Variants in PCBP2 observed in about 807,000 individuals in gnomAD.
PCBP2 encodes poly(rC) binding protein 2, also known as poly(rC)-binding protein 2.
In PCBP2, 4 loss-of-function variants were observed where a neutral mutation model predicts 50.1. That is an observed-to-expected ratio of 0.08 (90% CI 0.04 to 0.18). The LOEUF (loss-of-function observed/expected upper bound fraction) is 0.18. Ranked by LOEUF, PCBP2 falls within the 10% of genes least tolerant of loss-of-function variation. The probability of loss-of-function intolerance (pLI) is 1.00; values close to 1 mark genes in which losing one functional copy is unlikely to be tolerated. For missense variants in PCBP2, 161 were observed against 474.3 expected (o/e 0.34, Z 6.14); for synonymous variants, 179 against 168.0 (o/e 1.07, Z -0.51).
At chr12:53,456,200 C>T in intron 5 of PCBP2, 199 bp downstream of exon 5, 1 of 570,810 alleles carries the variant, frequency 1.8e-6, no homozygotes. Flanking sequence ...GGCGTGGTGG[C>T]TCATGGCTGT....
At chr12:53,461,548 A>G (rs1274651940) in intron 7 of PCBP2, among the ~76,000 whole-genome samples, 2 of 152,230 alleles carry the variant, frequency 1.3e-5, no homozygotes, top group African/African-American at 4.8e-5. Flanking sequence ...TCAAAGTGTT[A>G]CATAGAGTAG....
At chr12:53,460,862 C>T (rs1012087232) in intron 6 of PCBP2, 153 bp from the exon 7 acceptor site, 2 of 749,666 alleles carry the variant, frequency 2.7e-6, no homozygotes, top group South Asian at 3.6e-5. Context: ...ACAGTCCTAT[C>T]TGGAATAAGG....
At chr12:53,465,448 G>T (rs1453064013) in intron 9 of PCBP2, among the ~76,000 whole-genome samples, 1 of 152,112 alleles carries the variant, frequency 6.6e-6, no homozygotes, top group Non-Finnish European at 1.5e-5. Flanking sequence ...AAGGTCTTTA[G>T]GCAGATAGAG....
intron 1 of PCBP2, 44 bp downstream of exon 1, chr12:53,452,420 T>C (rs1940601639): frequency 6.8e-6 from 1 of 147,728 alleles, no homozygotes; most frequent in South Asian, 2.2e-4. Context: ...ATGGCTACAA[T>C]TTCCACTTTT....
intron 5 of PCBP2, among the ~76,000 whole-genome samples, chr12:53,456,330 C>T (rs556373792): frequency 2.0e-5 from 3 of 151,616 alleles, no homozygotes; most frequent in South Asian, 2.1e-4. Context: ...TGGTGGTGTG[C>T]GCCTGTAATC....
At chr12:53,460,773 AG>A (rs766746609) in intron 6 of PCBP2, 28 of 360,686 alleles carry the variant, frequency 7.8e-5, no homozygotes, top group Non-Finnish European at 1.3e-4. Context: ...TTTGCTTGAG[AG>A]TAGGTTAAAT....
At chr12:53,454,324 G>C (rs1940827255) in intron 1 of PCBP2, 1 of 155,932 alleles carries the variant, frequency 6.4e-6, no homozygotes, top group Non-Finnish European at 1.4e-5. Context: ...CTGCTCCCCA[G>C]CAGGGAAACA....
At chr12:53,466,971 C>G (rs1249444937) in intron 10 of PCBP2, among the ~76,000 whole-genome samples, 1 of 152,132 alleles carries the variant, frequency 6.6e-6, no homozygotes. Context: ...TGGGCAAGTG[C>G]TGTTGCTTTT....
chr12:53,457,829 G>C (rs1289264055), intron 5 of PCBP2, among the ~76,000 whole-genome samples: 1 of 152,140 alleles, frequency 6.6e-6, no homozygotes, highest in East Asian at 1.9e-4. Flanking sequence ...ATCTTCAGAA[G>C]GCTAAATTTA....
At chr12:53,477,881 A>G (rs1449014016) in intron 14 of PCBP2, among the ~76,000 whole-genome samples, 4 of 152,120 alleles carry the variant, frequency 2.6e-5, no homozygotes, top group Non-Finnish European at 5.9e-5. Flanking sequence ...TATCACAAAT[A>G]TTTTATGCTA....
At chr12:53,461,529 G>T (rs1309712612) in intron 7 of PCBP2, among the ~76,000 whole-genome samples, 2 of 152,150 alleles carry the variant, frequency 1.3e-5, no homozygotes, top group Non-Finnish European at 2.9e-5. Flanking sequence ...TCACTTTGTA[G>T]GAGGGTATTC....
In PCBP2 at chr12:53,464,814, A is replaced by G. The variant is rs138735670; in HGVS notation, c.634A>G (p.Met212Val). 6.2e-7 allele frequency: 1 copy of G among 1,612,068 alleles called. No individual in the cohort carries two copies. Among genetic ancestry groups the G allele is most frequent in the Non-Finnish European group, 8.5e-7 (1 of 1,179,192 alleles). Residue 212 changes from methionine to valine, a missense_variant, in exon 9 of 15, where the codon ATG becomes GTG. Around this residue, in one of 7 missense-constraint regions of PCBP2, gnomAD observed 35 missense variants for 45.5 expected, o/e 0.77. Transcript: ENST00000546463. The part of the protein sequence containing the change: ...SASFPHTTPS[M>V]CLNPDLEGPP... The stretch of plus-strand genomic sequence containing the variant: ...GAGCTTTCCCCACACCACCCCGTCC[A>G]TGTGCCTCAACCCTGACCTGGAGGG...
Position 53,465,994 on chromosome 12 carries a change from T to G in PCBP2, c.714+21T>G, listed in dbSNP as rs747172537. ...CAGATGTAAGTTTTGTTTTCACTTC[T>G]TGTTTTGAAAAGCTCCCTCTCCCAT... On this transcript the variant is annotated intron_variant, in intron 10 of 14. Transcript: ENST00000546463. The G allele has an allele frequency of 4.3e-6, 7 of 1,612,282 alleles. No homozygotes were observed. The South Asian group carries it at 6.6e-5, about 15-fold the overall frequency.
chr12:53,464,607 A>T, intron 8 of PCBP2, 153 bp from the exon 9 acceptor site: 3 of 1,072,378 alleles, frequency 2.8e-6, no homozygotes, highest in Admixed American at 3.1e-5. Flanking sequence ...TTTTTTTTTA[A>T]TTCACTGATT....
intron 14 of PCBP2, chr12:53,475,372 G>A (rs1003248721): frequency 2.0e-5 from 7 of 355,552 alleles, no homozygotes; most frequent in African/African-American, 6.4e-5. Flanking sequence ...GGTAACCCTT[G>A]TTTAGGTTTA....
chr12:53,476,341 C>A (rs1942580705), intron 14 of PCBP2, among the ~76,000 whole-genome samples: 1 of 152,118 alleles, frequency 6.6e-6, no homozygotes, highest in African/African-American at 2.4e-5. Context: ...AAAATAGAGG[C>A]CCTAAGATAA....
chr12:53,463,037 A>G (rs1269719397), intron 8 of PCBP2, among the ~76,000 whole-genome samples: 1 of 152,058 alleles, frequency 6.6e-6, no homozygotes, highest in Non-Finnish European at 1.5e-5. Flanking sequence ...CTTCACTCCC[A>G]AACTCCAGTG....
chr12:53,456,227 G>A lies in PCBP2; in HGVS notation c.243+226G>A, dbSNP rs551382030. Among the ~76,000 whole-genome samples, 7 of 152,218 alleles carry A rather than the reference G, an allele frequency of 4.6e-5. No individual in the cohort carries two copies. The East Asian group carries it at 1.3e-3, about 29-fold the overall frequency. Reference sequence around the variant, plus strand: ...CATGGCTGTAGTCCCAGCACTTTTGGGAGGCTGAGGCGGGCAGATAAACGA... The same window carrying A: ...CATGGCTGTAGTCCCAGCACTTTTGAGAGGCTGAGGCGGGCAGATAAACGA... On this transcript the variant is annotated intron_variant, in intron 5 of 14. Coordinates refer to ENST00000546463, the MANE Select transcript of PCBP2 (RefSeq NM_031989.5).
In PCBP2 at chr12:53,468,936, T is replaced by TTTTTTTTTTA. The variant is rs11447052; in HGVS notation, c.882+104_882+105insTTTTTTTTTA. On this transcript the variant is annotated intron_variant, in intron 13 of 14. Transcript: ENST00000546463. ...GCTACCCTTTTTTTTTTTTTTTTTTTAAACAGCCCAGGCTGTAGTGCAGTG... is the reference window on the plus strand; with the variant it reads ...GCTACCCTTTTTTTTTTTTTTTTTTTTTTTTTTTTAAAACAGCCCAGGCTGTAGTGCAGTG... The TTTTTTTTTTA allele has an allele frequency of 1.2e-5, 10 of 852,028 alleles. No homozygotes were observed. In the African/African-American group the frequency reaches 1.8e-4, roughly 15 times the overall value. 52.8% of individuals were successfully genotyped at this position (852,028 alleles called of 1,614,324 possible).
Sources: gnomAD v4.1 joint callset for allele counts (sites outside exome capture counted in the v4.1 genomes callset) on GRCh38, gnomAD v4.1.1 for gene constraint, gnomAD v4.1.1 regional missense constraint, MANE v1.5 for transcripts, NCBI Gene and HGNC (gene_info 2026-07-23, HGNC 2026-07-21) for gene names.